Variants in SWT1 observed in about 807,000 individuals in gnomAD.
SWT1 encodes SWT1 RNA endoribonuclease homolog.
Under a neutral mutation model 107.3 loss-of-function variants are expected in SWT1, and 33 were observed. The ratio of observed to expected loss-of-function variants is 0.31; its 90% CI spans 0.23 to 0.41. The LOEUF is 0.41. SWT1 is among the 10% of genes least tolerant of loss of function. The pLI is 1.00. For missense variants in SWT1, 898 were observed against 1,028.9 expected, an observed-to-expected ratio of 0.87 and a Z score of 1.74; for synonymous variants, 345 against 348.3, an observed-to-expected ratio of 0.99 and a Z score of 0.11.
intron 16 of SWT1, among the ~76,000 whole-genome samples, chr1:185,258,754 G>A (rs6666742): frequency 0.45 from 67,637 of 151,568 alleles, 16,740 homozygotes; most frequent in African/African-American, 0.68. Flanking sequence ...TGTATGTTTT[G>A]TGTTTACAAT....
At position 185,181,974 on chromosome 1, in the gene SWT1, C is replaced by T; in HGVS notation, c.1055C>T (p.Ala352Val). The T allele has an allele frequency of 5.0e-6, 8 of 1,613,818 alleles. No individual in the cohort carries two copies. The highest frequency in any genetic ancestry group is 6.8e-6 in the Non-Finnish European group (8 of 1,179,890). ...EMQIVEELHAARVGKSVDLPG... is the reference protein window; with the variant it reads ...EMQIVEELHAVRVGKSVDLPG... Reference sequence around the variant, plus strand: ...CAGATAGTAGAAGAGCTTCATGCTGCACGTGTGGGAAAAAGTGTGGATTTA... The same window carrying T: ...CAGATAGTAGAAGAGCTTCATGCTGTACGTGTGGGAAAAAGTGTGGATTTA... The change falls in exon 7 of 19, where the codon GCA (alanine) becomes GTA (valine). Residue 352 changes from alanine (A) to valine (V), a missense_variant. Physicochemically the swap from Ala to Val is moderately conservative, Grantham distance 64 (BLOSUM62 0). Around this residue, in one of 6 missense-constraint regions of SWT1, gnomAD observed 94 missense variants for 114.5 expected, o/e 0.82. Coordinates refer to ENST00000367500, the MANE Select transcript of SWT1 (RefSeq NM_017673.7).
intron 3 of SWT1, 29 bp downstream of exon 3, chr1:185,166,681 GTTATT>G: frequency 7.3e-7 from 1 of 1,362,132 alleles, no homozygotes; most frequent in Non-Finnish European, 1.0e-6. Flanking sequence ...CTAACTAAAA[GTTATT>G]TATGCTAAAG....
chr1:185,277,549 C>A (rs992943027), intron 18 of SWT1, among the ~76,000 whole-genome samples: 5 of 152,308 alleles, frequency 3.3e-5, no homozygotes, highest in East Asian at 1.9e-4. Context: ...CTCAGCCTCC[C>A]AACATGCTGG....
intron 17 of SWT1, 33 bp downstream of exon 17, chr1:185,271,422 T>C (rs1231640042): frequency 8.9e-7 from 1 of 1,127,498 alleles, no homozygotes. Flanking sequence ...TTTATCACAT[T>C]TCTACTTTAA....
At chr1:185,285,821 C>G (rs1226551311) in intron 18 of SWT1, among the ~76,000 whole-genome samples, 1 of 152,146 alleles carries the variant, frequency 6.6e-6, no homozygotes, top group Non-Finnish European at 1.5e-5. Context: ...ACCATTCTTT[C>G]TCCATTGAAT....
intron 14 of SWT1, among the ~76,000 whole-genome samples, chr1:185,220,849 A>T (rs149870406): frequency 6.6e-6 from 1 of 152,364 alleles, no homozygotes; most frequent in East Asian, 1.9e-4. Context: ...CCTCATTAGC[A>T]ACGCATAAGT....
At chr1:185,182,955 G>A (rs1656151470) in intron 7 of SWT1, among the ~76,000 whole-genome samples, 1 of 151,962 alleles carries the variant, frequency 6.6e-6, no homozygotes, top group South Asian at 2.1e-4. Flanking sequence ...GGCCAACATA[G>A]TGAAACCCCA....
chr1:185,185,033 A>G, intron 9 of SWT1, 102 bp downstream of exon 9: 7 of 821,412 alleles, frequency 8.5e-6, no homozygotes, highest in Non-Finnish European at 1.2e-5. Context: ...ATTTAAACCC[A>G]TTGGAATGTG....
chr1:185,257,670 G>T (rs1411410476), intron 16 of SWT1, among the ~76,000 whole-genome samples: 1 of 152,216 alleles, frequency 6.6e-6, no homozygotes, highest in East Asian at 1.9e-4. Flanking sequence ...ACTGACCTGT[G>T]CCCACTGTCT....
At chr1:185,203,875 G>C (rs1658092969) in intron 11 of SWT1, among the ~76,000 whole-genome samples, 1 of 151,890 alleles carries the variant, frequency 6.6e-6, no homozygotes, top group Admixed American at 6.6e-5. Flanking sequence ...TAACGTTTTT[G>C]TCATAATATT....
intron 16 of SWT1, among the ~76,000 whole-genome samples, chr1:185,271,058 G>C (rs920312337): frequency 2.0e-5 from 3 of 152,272 alleles, no homozygotes; most frequent in East Asian, 3.9e-4. Flanking sequence ...ATAACTTCAC[G>C]TGTAAGAATG....
chr1:185,234,856 C>G (rs1660750869), intron 16 of SWT1, among the ~76,000 whole-genome samples: 2 of 151,894 alleles, frequency 1.3e-5, no homozygotes, highest in Non-Finnish European at 2.9e-5. Context: ...CAAATAGATG[C>G]AATAAAAAAT....
intron 10 of SWT1, 86 bp downstream of exon 10, chr1:185,190,728 G>T: frequency 1.3e-6 from 1 of 767,832 alleles, no homozygotes; most frequent in Non-Finnish European, 2.1e-6. Flanking sequence ...GCATACCAAG[G>T]ATCAAAAACA....
intron 16 of SWT1, 85 bp from the exon 17 acceptor site, chr1:185,271,238 T>A: frequency 1.4e-6 from 1 of 716,324 alleles, no homozygotes; most frequent in Non-Finnish European, 2.5e-6. Context: ...TCTTGTGGTA[T>A]GGGTATGTTT....
intron 16 of SWT1, among the ~76,000 whole-genome samples, chr1:185,259,240 T>A (rs1662848811): frequency 6.6e-6 from 1 of 152,174 alleles, no homozygotes; most frequent in Non-Finnish European, 1.5e-5. Flanking sequence ...GTTAACTGTT[T>A]TAAAGACAGA....
intron 5 of SWT1, among the ~76,000 whole-genome samples, chr1:185,175,710 T>C (rs910298565): frequency 2.0e-5 from 3 of 152,238 alleles, no homozygotes; most frequent in African/African-American, 7.2e-5. Context: ...GAAGCAGTTA[T>C]AGATAGTCCT....
At chr1:185,224,595 C>T (rs552582538) in intron 15 of SWT1, among the ~76,000 whole-genome samples, 1 of 152,194 alleles carries the variant, frequency 6.6e-6, no homozygotes, top group East Asian at 1.9e-4. Flanking sequence ...GATATTAATT[C>T]TTCCAATACA....
At chr1:185,224,617 T>C (rs1207038448) in intron 15 of SWT1, among the ~76,000 whole-genome samples, 1 of 152,232 alleles carries the variant, frequency 6.6e-6, no homozygotes, top group Non-Finnish European at 1.5e-5. Context: ...GAACATGAGA[T>C]ATCTTTCCAT....
intron 16 of SWT1, among the ~76,000 whole-genome samples, chr1:185,250,713 A>C (rs1225959751): frequency 6.6e-6 from 1 of 151,940 alleles, no homozygotes; most frequent in African/African-American, 2.4e-5. Flanking sequence ...CCCATGCTGG[A>C]GTGCAGTGGT....
Sources: gnomAD v4.1 joint callset for allele counts (sites outside exome capture counted in the v4.1 genomes callset) on GRCh38, gnomAD v4.1.1 for gene constraint, gnomAD v4.1.1 regional missense constraint, MANE v1.5 for transcripts, NCBI Gene and HGNC (gene_info 2026-07-23, HGNC 2026-07-21) for gene names.